Variants in SLC35F1 observed in about 807,000 individuals in gnomAD.
SLC35F1 encodes solute carrier family 35 member F1, also known as chromosome 6 open reading frame 169.
A neutral mutation model predicts 48.7 loss-of-function variants in SLC35F1; 14 were observed. That is an observed-to-expected ratio of 0.29 (90% CI 0.19 to 0.45). The LOEUF is 0.45. Ranked by LOEUF, SLC35F1 falls within the 20% of genes least tolerant of loss-of-function variation. SLC35F1 has a pLI of 1.00. For missense variants in SLC35F1, 404 were observed against 500.0 expected (o/e 0.81, Z 1.83); for synonymous variants, 190 against 202.2 (o/e 0.94, Z 0.51).
intron 1 of SLC35F1, among the ~76,000 whole-genome samples, chr6:118,120,972 T>A (rs1773544977): frequency 6.6e-6 from 1 of 152,126 alleles, no homozygotes; most frequent in Non-Finnish European, 1.5e-5. Flanking sequence ...TTAGTTGAAG[T>A]TTTTAGCAGT....
intron 1 of SLC35F1, among the ~76,000 whole-genome samples, chr6:117,954,335 A>G (rs994267010): frequency 6.6e-6 from 1 of 151,842 alleles, no homozygotes; most frequent in African/African-American, 2.4e-5. Flanking sequence ...GGCTCCCTGC[A>G]ACGTCCACCT....
At chr6:118,271,478 AG>A (rs1775851427) in intron 4 of SLC35F1, among the ~76,000 whole-genome samples, 1 of 152,182 alleles carries the variant, frequency 6.6e-6, no homozygotes, top group Non-Finnish European at 1.5e-5. Context: ...ACAGAGTCCC[AG>A]GAAAACAAGA....
chr6:118,298,853 T>C (rs534988522), intron 7 of SLC35F1, among the ~76,000 whole-genome samples: 34 of 152,350 alleles, frequency 2.2e-4, no homozygotes, highest in African/African-American at 7.9e-4. Flanking sequence ...CCTTAAGCAC[T>C]GCTCTCCTCT....
chr6:118,070,700 A>T (rs1228093810), intron 1 of SLC35F1, among the ~76,000 whole-genome samples: 2 of 150,676 alleles, frequency 1.3e-5, no homozygotes, highest in African/African-American at 2.4e-5. Context: ...TCTTTTTTTT[A>T]AATTTTAGAC....
intron 1 of SLC35F1, among the ~76,000 whole-genome samples, chr6:117,966,137 C>CCCCG (rs1776563647): frequency 7.1e-6 from 1 of 141,794 alleles, no homozygotes; most frequent in African/African-American, 2.6e-5. Context: ...CACCGCCCCC[C>CCCCG]CCCCCACTCC....
At chr6:117,951,697 A>G (rs1776364587) in intron 1 of SLC35F1, among the ~76,000 whole-genome samples, 1 of 152,256 alleles carries the variant, frequency 6.6e-6, no homozygotes, top group Non-Finnish European at 1.5e-5. Flanking sequence ...GACAAGGAAT[A>G]TGCTAAGGAT....
chr6:118,224,118 C>G (rs1280500367), intron 2 of SLC35F1, among the ~76,000 whole-genome samples: 1 of 152,196 alleles, frequency 6.6e-6, no homozygotes, highest in Non-Finnish European at 1.5e-5. Context: ...TTCCCCTCAG[C>G]AGGCTCACCC....
intron 2 of SLC35F1, among the ~76,000 whole-genome samples, chr6:118,206,553 C>T (rs1412879545): frequency 6.6e-6 from 1 of 152,108 alleles, no homozygotes; most frequent in Admixed American, 6.5e-5. Context: ...ATATATTATG[C>T]TAAGCAAAGT....
intron 2 of SLC35F1, among the ~76,000 whole-genome samples, chr6:118,176,727 G>A (rs1411049076): frequency 6.6e-6 from 1 of 152,030 alleles, no homozygotes; most frequent in African/African-American, 2.4e-5. Context: ...CATTTTGTGT[G>A]TTTGTTTTTC....
intron 7 of SLC35F1, among the ~76,000 whole-genome samples, chr6:118,294,569 A>G (rs1776161322): frequency 6.6e-6 from 1 of 152,212 alleles, no homozygotes; most frequent in Admixed American, 6.5e-5. Flanking sequence ...AGTTGAGAGT[A>G]ATTTCATGAG....
At chr6:118,120,111 A>G (rs1046257949) in intron 1 of SLC35F1, among the ~76,000 whole-genome samples, 1 of 152,198 alleles carries the variant, frequency 6.6e-6, no homozygotes, top group Non-Finnish European at 1.5e-5. Flanking sequence ...AGTGGGTACA[A>G]TTTGGCGAAC....
chr6:117,960,651 C>A (rs116169503), intron 1 of SLC35F1, among the ~76,000 whole-genome samples: 382 of 152,138 alleles, frequency 2.5e-3, no homozygotes, highest in African/African-American at 8.8e-3. Context: ...ATATCCCCCC[C>A]AAAAGTGGGT....
intron 2 of SLC35F1, among the ~76,000 whole-genome samples, chr6:118,229,121 C>G (rs895316638): frequency 1.3e-5 from 2 of 151,996 alleles, no homozygotes; most frequent in Non-Finnish European, 2.9e-5. Flanking sequence ...TTCATTCCCT[C>G]AACATTTATT....
chr6:118,097,273 A>G (rs1003622943), intron 1 of SLC35F1, among the ~76,000 whole-genome samples: 1 of 152,266 alleles, frequency 6.6e-6, no homozygotes, highest in African/African-American at 2.4e-5. Context: ...CTATATGCAG[A>G]CCACATTATA....
At chr6:117,979,731 T>C (rs996547888) in intron 1 of SLC35F1, among the ~76,000 whole-genome samples, 5 of 152,198 alleles carry the variant, frequency 3.3e-5, no homozygotes, top group Non-Finnish European at 1.5e-5. Flanking sequence ...GAGGGTCTGT[T>C]GTAGGAGAAA....
chr6:118,304,394 G>A (rs12179316), intron 7 of SLC35F1, among the ~76,000 whole-genome samples: 1 of 70,056 alleles, frequency 1.4e-5, no homozygotes. Context: ...AAGAAGAAAA[G>A]AAAAGAAGAA....
intron 6 of SLC35F1, among the ~76,000 whole-genome samples, chr6:118,281,221 T>TATATATAA (rs1454414881): frequency 1.3e-5 from 2 of 149,078 alleles, no homozygotes; most frequent in African/African-American, 4.9e-5. Context: ...TATATATATA[T>TATATATAA]AAAATATTAA....
At chr6:118,072,159 A>AT (rs1263552748) in intron 1 of SLC35F1, among the ~76,000 whole-genome samples, 1 of 152,084 alleles carries the variant, frequency 6.6e-6, no homozygotes, top group Non-Finnish European at 1.5e-5. Flanking sequence ...CAAAACTTCT[A>AT]TTTTTAAAAA....
intron 1 of SLC35F1, among the ~76,000 whole-genome samples, chr6:118,134,438 G>T (rs959859515): frequency 1.3e-5 from 2 of 152,176 alleles, no homozygotes; most frequent in Non-Finnish European, 2.9e-5. Flanking sequence ...CACTCCAGGG[G>T]CATAAGAGCC....
Sources: allele counts gnomAD v4.1 joint callset (sites outside exome capture counted in the v4.1 genomes callset), GRCh38; gene constraint gnomAD v4.1.1; transcripts MANE v1.5; gene names NCBI Gene and HGNC (gene_info 2026-07-23, HGNC 2026-07-21).